Variants in CCDC187 observed in about 807,000 individuals in gnomAD.
CCDC187 encodes coiled-coil domain containing 187, also known as coiled-coil domain-containing protein 187.
In CCDC187, 32 loss-of-function variants were observed where a neutral mutation model predicts 38.0. The observed-to-expected ratio is 0.84, with a 90% confidence interval of 0.64 to 1.13. The LOEUF (loss-of-function observed/expected upper bound fraction) is 1.13. Ranked by LOEUF, CCDC187 falls within the 50% of genes most tolerant of loss-of-function variation. CCDC187 has a pLI of 0.00. For missense variants in CCDC187, 707 were observed against 786.8 expected (o/e 0.90, Z 1.21); for synonymous variants, 333 against 347.9 (o/e 0.96, Z 0.48).
At chr9:136,273,866 G>C (rs958279116) in intron 14 of CCDC187, among the ~76,000 whole-genome samples, 1 of 152,234 alleles carries the variant, frequency 6.6e-6, no homozygotes, top group African/African-American at 2.4e-5. Flanking sequence ...GACTGTGGCC[G>C]GCTGGGAAGT....
At chr9:136,284,439 G>A (rs1175347124) in intron 9 of CCDC187, among the ~76,000 whole-genome samples, 1 of 152,172 alleles carries the variant, frequency 6.6e-6, no homozygotes, top group African/African-American at 2.4e-5. Flanking sequence ...TGCCCCGCCC[G>A]TGGTGCTGAG....
intron 14 of CCDC187, among the ~76,000 whole-genome samples, chr9:136,270,213 GAGAGAA>G (rs1342309176): frequency 6.6e-5 from 10 of 152,194 alleles, no homozygotes; most frequent in Admixed American, 1.3e-4. Context: ...ACAAGGCAAA[GAGAGAA>G]AGAGAAAACA....
At chr9:136,275,618 C>T (rs1830917369) in intron 12 of CCDC187, among the ~76,000 whole-genome samples, 1 of 152,210 alleles carries the variant, frequency 6.6e-6, no homozygotes, top group African/African-American at 2.4e-5. Context: ...AGGTTTATCC[C>T]CTCCAGCCAG....
rs1009104039 is a variant in CCDC187, at chr9:136,287,828, T to G, written c.2223-1133A>C. ...TGGGGAGGAGATGGAGAGTTAGTGT[T>G]TCATGGGGACAGAGTGTCAGTTTGG... On this transcript the variant is annotated intron_variant, in intron 7 of 25. Transcript: ENST00000638797. 2.0e-3 allele frequency among the ~76,000 whole-genome samples: 297 copies of G among 152,104 alleles called. 1 individual carries two copies. The highest frequency in any genetic ancestry group is 6.8e-3 in the African/African-American group (284 of 41,474).
chr9:136,306,755 G>T (rs1294131927), upstream of CCDC187: 1 of 152,656 alleles, frequency 6.6e-6, no homozygotes, highest in African/African-American at 2.4e-5. Context: ...CACTGCATGG[G>T]GATGGCTCCT....
rs1831299469 is a variant in CCDC187, at chr9:136,290,603, CCGG to C, written c.2007_2009del (p.Ser669del). 1 of 398,614 alleles carries C rather than the reference CCGG, an allele frequency of 2.5e-6. No homozygotes were observed. The highest frequency in any genetic ancestry group is 4.4e-6 in the Non-Finnish European group (1 of 226,048). The allele number at this position is 398,614 out of a possible 1,614,324, so 24.7% of individuals were successfully genotyped here. A position where few individuals can be genotyped will look rare whatever the true frequency, so the allele number is the denominator to read the frequency against. On this transcript the variant is annotated inframe_deletion, in exon 6 of 26. Coordinates refer to ENST00000638797, the MANE Select transcript of CCDC187 (RefSeq NM_001378188.1). ...GCTGCCGGTAGACCTCCTGCAGCCTCCGGCTCCTCAGCTCCCGTGTGCGCAGGG... is the reference window on the plus strand; with the variant it reads ...GCTGCCGGTAGACCTCCTGCAGCCTCCTCCTCAGCTCCCGTGTGCGCAGGG...
chr9:136,267,334 C>CAGGGCGGGGCT (rs1830763446), intron 16 of CCDC187, 50 bp downstream of exon 16: 2 of 954,964 alleles, frequency 2.1e-6, no homozygotes, highest in Admixed American at 1.7e-4. Context: ...GGGGCTACAG[C>CAGGGCGGGGCT]AGGGCGGGGC....
chr9:136,294,252 TCTCA>T (rs1294289761), intron 4 of CCDC187, among the ~76,000 whole-genome samples: 4 of 98,496 alleles, frequency 4.1e-5, no homozygotes, highest in African/African-American at 1.6e-4. Context: ...GGTCTCACAC[TCTCA>T]CGCGCTCATA....
intron 10 of CCDC187, among the ~76,000 whole-genome samples, chr9:136,277,415 GGTGGGT>G: frequency 9.3e-6 from 1 of 107,474 alleles, no homozygotes; most frequent in Non-Finnish European, 2.0e-5. Flanking sequence ...TCACAGGGTG[GGTGGGT>G]GCTGAGGGGG....
chr9:136,263,840 C>A, intron 17 of CCDC187, 42 bp from the exon 18 acceptor site: 2 of 983,832 alleles, frequency 2.0e-6, no homozygotes, highest in Non-Finnish European at 2.4e-6. Flanking sequence ...AACCCCGGAG[C>A]CAGCAGGGGA....
chr9:136,275,645 A>G (rs964321206), intron 12 of CCDC187, among the ~76,000 whole-genome samples: 16,407 of 152,202 alleles, frequency 0.11, 1,210 homozygotes, highest in Admixed American at 0.19. Flanking sequence ...GCCGTCAGCC[A>G]CCCGATCAAT....
At chr9:136,304,986 C>T (rs1299113973), upstream of CCDC187, among the ~76,000 whole-genome samples, 1 of 152,168 alleles carries the variant, frequency 6.6e-6, no homozygotes, top group Non-Finnish European at 1.5e-5. Context: ...CGCCTGGAGA[C>T]ACCGCCCAAG....
chr9:136,301,270 C>T (rs1263746832), intron 2 of CCDC187, among the ~76,000 whole-genome samples: 1 of 152,112 alleles, frequency 6.6e-6, no homozygotes, highest in East Asian at 1.9e-4. Flanking sequence ...ATTATTTGTG[C>T]TTATTATACC....
In CCDC187 at chr9:136,292,031, G is replaced by A. The variant is rs1010932620; in HGVS notation, c.967+130C>T. The A allele has an allele frequency of 1.0e-4, 40 of 397,662 alleles. No individual in the cohort carries two copies. The East Asian group carries it at 1.4e-3, about 13-fold the overall frequency. 24.6% of individuals were successfully genotyped at this position (397,662 alleles called of 1,614,324 possible). ...TGGGTGGCAGGTTTGGAGGGTGTTT[G>A]CAGGCTGCTGTGAGAGGCGCCAACA... On this transcript the variant is annotated intron_variant, in intron 5 of 25. Transcript: ENST00000638797.
In CCDC187 at chr9:136,293,178, C is replaced by T. The variant is rs1448662908; in HGVS notation, c.833-883G>A. Among the ~76,000 whole-genome samples, 12 of 107,826 alleles carry T rather than the reference C, an allele frequency of 1.1e-4. No individual in the cohort carries two copies. In the Admixed American group the frequency reaches 1.2e-3, roughly 10 times the overall value. The allele number at this position is 107,826 out of a possible 152,430, so 70.7% of individuals were successfully genotyped here. A position where few individuals can be genotyped will look rare whatever the true frequency, so the allele number is the denominator to read the frequency against. On this transcript the variant is annotated intron_variant, in intron 4 of 25. Coordinates refer to ENST00000638797, the MANE Select transcript of CCDC187 (RefSeq NM_001378188.1). ...ACATGCTCACACACTCACATGCTCA[C>T]ACACACTCACATGCTCACACACTCA...
chr9:136,291,483 T>A lies in CCDC187; in HGVS notation c.1130A>T (p.Asp377Val), dbSNP rs1831329055. The change falls in exon 6 of 26, where the codon GAC (aspartate) becomes GTC (valine). Residue 377 changes from aspartate (D) to valine (V), a missense_variant. By Grantham distance (152) the Asp-to-Val change is radical. Transcript: ENST00000638797. ...TIQTAMAILQ[D>V]LRQQIQAGLE... is the part of the protein sequence containing the mutation. ...CCCAGCCTGGATTTGCTGGCGCAGG[T>A]CTTGTAGGATGGCCATGGCCGTCTG... 3 of 398,528 alleles carry A rather than the reference T, an allele frequency of 7.5e-6. No individual in the cohort carries two copies. The highest frequency in any genetic ancestry group is 1.3e-4 in the South Asian group (1 of 7,854). The allele number at this position is 398,528 out of a possible 1,614,324, so 24.7% of individuals were successfully genotyped here. A position where few individuals can be genotyped will look rare whatever the true frequency, so the allele number is the denominator to read the frequency against.
chr9:136,269,342 C>T (rs1038998015), intron 14 of CCDC187, among the ~76,000 whole-genome samples: 2 of 152,142 alleles, frequency 1.3e-5, no homozygotes, highest in Admixed American at 6.5e-5. Context: ...ACTGCAGTCC[C>T]GAAGAAAGCT....
chr9:136,282,669 C>T (rs897844951), intron 9 of CCDC187, among the ~76,000 whole-genome samples: 16 of 152,318 alleles, frequency 1.1e-4, no homozygotes, highest in African/African-American at 3.8e-4. Context: ...GACACGCCCT[C>T]CCTCAGCAGC....
chr9:136,285,453 AGG>A (rs1831155406), intron 9 of CCDC187, 58 bp downstream of exon 9: 2 of 38,808 alleles, frequency 5.2e-5, no homozygotes, highest in African/African-American at 1.8e-4. Flanking sequence ...GCAGGTGGGC[AGG>A]TGGGCAGGCG....
Sources: gnomAD v4.1 joint callset for allele counts (sites outside exome capture counted in the v4.1 genomes callset) on GRCh38, gnomAD v4.1.1 for gene constraint, MANE v1.5 for transcripts, NCBI Gene and HGNC (gene_info 2026-07-23, HGNC 2026-07-21) for gene names.